Variants in CD36 observed in about 807,000 individuals in gnomAD.
The protein encoded by CD36 is CD36 molecule (CD36 blood group).
CD36 carries 119 observed loss-of-function variants against 55.2 expected under a neutral mutation model. That is an observed-to-expected ratio of 2.15 (90% CI 1.86 to 2.51). The LOEUF (loss-of-function observed/expected upper bound fraction) is 2.51. CD36 is among the 30% of genes most tolerant of loss of function. The probability of loss-of-function intolerance (pLI) is 0.00; values close to 1 mark genes in which losing one functional copy is unlikely to be tolerated. For missense variants in CD36, 819 were observed against 555.5 expected, an observed-to-expected ratio of 1.47 and a Z score of -4.77; for synonymous variants, 186 against 193.6, an observed-to-expected ratio of 0.96 and a Z score of 0.33.
At position 80,671,038 on chromosome 7, in the gene CD36, G is replaced by C. The variant is rs142879856; in HGVS notation, c.880G>C (p.Val294Leu). Residue 294 changes from valine to leucine, a missense_variant, in exon 10 of 15, where the codon GTT becomes CTT. Physicochemically the swap from Val to Leu is conservative, Grantham distance 32. Coordinates refer to ENST00000447544, the MANE Select transcript of CD36 (RefSeq NM_001001548.3). Reference protein sequence around the residue: ...NLKGIPVYRFVLPSKAFASPV... With the variant: ...NLKGIPVYRFLLPSKAFASPV... ...GAAAGGAATCCCTGTGTATAGATTT[G>C]TTCTTCCATCCAAGGCCTTTGCCTC... The C allele has an allele frequency of 3.0e-5, 49 of 1,612,962 alleles. No individual in the cohort carries two copies. The highest frequency in any genetic ancestry group is 1.2e-4 in the Admixed American group (7 of 59,984).
intron 3 of CD36, among the ~76,000 whole-genome samples, chr7:80,650,414 T>C (rs2116471155): frequency 6.6e-6 from 1 of 152,172 alleles, no homozygotes; most frequent in South Asian, 2.1e-4. Context: ...TATGTATATC[T>C]TTGGCATAGA....
At chr7:80,607,443 T>G (rs1792622467) in intron 1 of CD36, among the ~76,000 whole-genome samples, 1 of 152,118 alleles carries the variant, frequency 6.6e-6, no homozygotes, top group African/African-American at 2.4e-5. Context: ...GTGGGGATAG[T>G]TTTTAGCACA....
Position 80,673,404 on chromosome 7 carries a change from A to AATGAGGTTTG in CD36, c.1250_1254+5dup. 1 of 1,564,564 alleles carries AATGAGGTTTG rather than the reference A, an allele frequency of 6.4e-7. No homozygotes were observed. The highest frequency in any genetic ancestry group is 8.8e-7 in the Non-Finnish European group (1 of 1,135,648). Reference sequence around the variant, plus strand: ...CTATATTGTGCCTATTCTTTGGCTTAATGAGGTTTGTATTTGCAGCTGTTA... The same window carrying AATGAGGTTTG: ...CTATATTGTGCCTATTCTTTGGCTTAATGAGGTTTGATGAGGTTTGTATTTGCAGCTGTTA... On this transcript the variant is annotated stop_gained and frameshift_variant, in exon 13 of 15. Transcript: ENST00000447544. LOFTEE classifies it high-confidence loss of function.
At position 80,646,652 on chromosome 7, in the gene CD36, A is replaced by C; in HGVS notation, c.-89A>C. ...TTTTATGATCTCTTTCTAATGATAG[A>C]ACCAGAGCTTGTAGAAACCACTTTA... is the stretch of plus-strand genomic sequence containing the variant. On this transcript the variant is annotated splice_region_variant and 5_prime_UTR_variant, in exon 3 of 15. Coordinates refer to ENST00000447544, the MANE Select transcript of CD36 (RefSeq NM_001001548.3). 4 of 1,475,582 alleles carry C rather than the reference A, an allele frequency of 2.7e-6. No individual in the cohort carries two copies. Among genetic ancestry groups the C allele is most frequent in the Non-Finnish European group, 3.8e-6 (4 of 1,054,956 alleles). 91.4% of individuals were successfully genotyped at this position (1,475,582 alleles called of 1,614,324 possible).
intron 1 of CD36, among the ~76,000 whole-genome samples, chr7:80,617,202 CAG>C (rs920554653): frequency 1.1e-4 from 16 of 152,126 alleles, no homozygotes; most frequent in African/African-American, 2.9e-4. Flanking sequence ...TCCTCACACA[CAG>C]GGGAACAACA....
chr7:80,617,464 C>T (rs1397464705), intron 1 of CD36, among the ~76,000 whole-genome samples: 1 of 152,076 alleles, frequency 6.6e-6, no homozygotes, highest in Non-Finnish European at 1.5e-5. Flanking sequence ...CGGTGGCTCA[C>T]ACCTGTAATC....
At chr7:80,633,523 C>T (rs749298170) in intron 1 of CD36, among the ~76,000 whole-genome samples, 4 of 151,968 alleles carry the variant, frequency 2.6e-5, no homozygotes, top group African/African-American at 4.8e-5. Context: ...TATTAGAAAT[C>T]TCCATTTCAG....
Position 80,661,102 on chromosome 7 carries a change from T to C in CD36, c.321T>C (p.Ala107=), listed in dbSNP as rs201673266. The change falls in exon 5 of 15, where the codon GCT becomes GCC. Residue 107 remains alanine (A), a synonymous_variant. Transcript: ENST00000447544. Reference sequence around the variant, plus strand: ...CCAAGGAAAATGTAACCCAGGACGCTGAGGACAACACAGTCTCTTTCCTGC... The same window carrying C: ...CCAAGGAAAATGTAACCCAGGACGCCGAGGACAACACAGTCTCTTTCCTGC... ...FLAKENVTQD[A]EDNTVSFLQP... 65 of 1,613,904 alleles carry C rather than the reference T, an allele frequency of 4.0e-5. No homozygotes were observed. The highest frequency in any genetic ancestry group is 4.7e-5 in the Non-Finnish European group (56 of 1,179,882).
intron 12 of CD36, 143 bp from the exon 13 acceptor site, chr7:80,673,212 C>A: frequency 1.9e-6 from 1 of 532,316 alleles, no homozygotes; most frequent in Non-Finnish European, 3.3e-6. Context: ...AAGTCAAAAA[C>A]AACTATATTA....
chr7:80,616,459 A>G (rs1584279810), intron 1 of CD36, among the ~76,000 whole-genome samples: 1 of 39,848 alleles, frequency 2.5e-5, no homozygotes, highest in Non-Finnish European at 4.7e-5. Context: ...GCCTGCACGC[A>G]CACACACACA....
At chr7:80,614,300 G>C (rs144725843) in intron 1 of CD36, among the ~76,000 whole-genome samples, 85 of 152,272 alleles carry the variant, frequency 5.6e-4, no homozygotes, top group African/African-American at 1.7e-3. Context: ...CTTTCTTGGA[G>C]AGCCTCCTTG....
intron 1 of CD36, among the ~76,000 whole-genome samples, chr7:80,642,326 A>T (rs1794874228): frequency 6.6e-6 from 1 of 152,168 alleles, no homozygotes. Context: ...CTATTTTCAT[A>T]TATAAGGAGT....
chr7:80,628,541 C>G (rs574113965), intron 1 of CD36, among the ~76,000 whole-genome samples: 1 of 152,074 alleles, frequency 6.6e-6, no homozygotes, highest in Admixed American at 6.6e-5. Context: ...CTTTAAGAGA[C>G]CTGGTTAAGC....
chr7:80,612,418 C>A (rs1792922922), intron 1 of CD36, among the ~76,000 whole-genome samples: 1 of 152,114 alleles, frequency 6.6e-6, no homozygotes, highest in Non-Finnish European at 1.5e-5. Context: ...ATGCCTTTGG[C>A]ATATATAAAA....
chr7:80,643,586 G>C (rs543659060), intron 1 of CD36, among the ~76,000 whole-genome samples: 3 of 152,296 alleles, frequency 2.0e-5, no homozygotes, highest in African/African-American at 7.2e-5. Flanking sequence ...TGAGGATAAA[G>C]AGTGTCAGGC....
upstream of CD36, among the ~76,000 whole-genome samples, chr7:80,637,518 TA>T (rs2116234353): frequency 6.6e-6 from 1 of 151,890 alleles, no homozygotes; most frequent in African/African-American, 2.4e-5. Flanking sequence ...AATATGTCAG[TA>T]AAAACTTCCC....
chr7:80,670,060 G>A, intron 9 of CD36, 38 bp downstream of exon 9: 1 of 1,237,366 alleles, frequency 8.1e-7, no homozygotes, highest in Non-Finnish European at 1.2e-6. Context: ...GTCTGAGTCA[G>A]ACCCCAGGTG....
Position 80,677,264 on chromosome 7 carries a change from A to G in CD36, c.*881A>G, listed in dbSNP as rs1798192174. ...TTTTTCCTTTTTCATAAGGAGACACATTAATAGGTAACTCTGTTTCTTGAG... is the reference window on the plus strand; with the variant it reads ...TTTTTCCTTTTTCATAAGGAGACACGTTAATAGGTAACTCTGTTTCTTGAG... On this transcript the variant is annotated 3_prime_UTR_variant, in exon 15 of 15. Coordinates refer to ENST00000447544, the MANE Select transcript of CD36 (RefSeq NM_001001548.3). The G allele has an allele frequency of 6.6e-6, 1 of 152,186 alleles. No individual in the cohort carries two copies. The highest frequency in any genetic ancestry group is 2.4e-5 in the African/African-American group (1 of 41,448). 9.4% of individuals were successfully genotyped at this position (152,186 alleles called of 1,614,324 possible).
At chr7:80,631,413 T>C (rs964113614) in intron 1 of CD36, among the ~76,000 whole-genome samples, 2 of 152,046 alleles carry the variant, frequency 1.3e-5, no homozygotes, top group Non-Finnish European at 2.9e-5. Context: ...TGCTCCATAA[T>C]GTGAAGCAAA....
Sources: allele counts gnomAD v4.1 joint callset (sites outside exome capture counted in the v4.1 genomes callset), GRCh38; gene constraint gnomAD v4.1.1; transcripts MANE v1.5; gene names NCBI Gene and HGNC (gene_info 2026-07-23, HGNC 2026-07-21).